The following NOL10 variants were observed in gnomAD, a reference collection of about 807,000 sequenced individuals.
The protein encoded by NOL10 is H_NH0074G24.1.
In NOL10, 58 loss-of-function variants were observed where a neutral mutation model predicts 103.5. That is an observed-to-expected ratio of 0.56 (90% CI 0.45 to 0.70). The LOEUF (loss-of-function observed/expected upper bound fraction) is 0.70, where lower values mean the gene tolerates loss of function less well. Ranked by LOEUF, NOL10 falls within the 30% of genes least tolerant of loss-of-function variation. NOL10 has a pLI of 0.00. For synonymous variants in NOL10, 287 were observed against 282.5 expected (o/e 1.02, Z -0.16); for missense variants, 763 against 807.3 (o/e 0.95, Z 0.67).
chr2:10,614,750 T>G (rs953847622), intron 13 of NOL10, among the ~76,000 whole-genome samples: 1 of 152,222 alleles, frequency 6.6e-6, no homozygotes, highest in African/African-American at 2.4e-5. Flanking sequence ...CTATAATGTA[T>G]ATACACACTA....
At chr2:10,594,255 A>C (rs1368716938) in intron 17 of NOL10, among the ~76,000 whole-genome samples, 3 of 152,178 alleles carry the variant, frequency 2.0e-5, no homozygotes, top group Admixed American at 6.5e-5. Flanking sequence ...GAAAAGCAGC[A>C]TTTAAGGGGA....
At position 10,669,466 on chromosome 2, in the gene NOL10, T is replaced by G. The variant is rs116796114; in HGVS notation, c.465-743A>C. Among the ~76,000 whole-genome samples, 7 of 142,720 alleles carry G rather than the reference T, an allele frequency of 4.9e-5. No individual in the cohort carries two copies. In the East Asian group the frequency reaches 1.4e-3, roughly 29 times the overall value. 93.6% of individuals were successfully genotyped at this position (142,720 alleles called of 152,430 possible). ...GTATATATATATATATTTTTATTTT[T>G]TATATATATATATATACACACACAC... On this transcript the variant is annotated intron_variant, in intron 6 of 20. Transcript: ENST00000381685.
chr2:10,606,237 T>A (rs1676249994), intron 14 of NOL10, among the ~76,000 whole-genome samples: 1 of 135,652 alleles, frequency 7.4e-6, no homozygotes, highest in Admixed American at 7.4e-5. Flanking sequence ...TTTTTTTTTT[T>A]TTTGCCTCAG....
chr2:10,632,959 G>A lies in NOL10; in HGVS notation c.1026+11361C>T, dbSNP rs149857342. On this transcript the variant is annotated intron_variant, in intron 13 of 20. Transcript: ENST00000381685. ...GCTGGGATTACAGGTGTGAGCCACC[G>A]CACTAGGCCTAAATTAAAATTTTAA... Among the ~76,000 whole-genome samples, 31 of 152,120 alleles carry A rather than the reference G, an allele frequency of 2.0e-4. No homozygotes were observed. In the East Asian group the frequency reaches 5.8e-3, roughly 28 times the overall value.
intron 7 of NOL10, 89 bp downstream of exon 7, chr2:10,668,569 C>A: frequency 3.6e-6 from 2 of 551,150 alleles, no homozygotes; most frequent in Non-Finnish European, 6.3e-6. Context: ...TGCTTAATTG[C>A]AATAGTTTAT....
At chr2:10,574,662 A>G (rs1000933286) in intron 20 of NOL10, among the ~76,000 whole-genome samples, 1 of 150,978 alleles carries the variant, frequency 6.6e-6, no homozygotes, top group Non-Finnish European at 1.5e-5. Flanking sequence ...AAAAAAAAAA[A>G]GGGTTTCTTC....
At chr2:10,689,148 C>T (rs1032201086) in intron 1 of NOL10, among the ~76,000 whole-genome samples, 1 of 152,184 alleles carries the variant, frequency 6.6e-6, no homozygotes, top group African/African-American at 2.4e-5. Flanking sequence ...GTGTGTCATG[C>T]TGGACAAGTC....
chr2:10,589,662 C>G lies in NOL10; in HGVS notation c.1512G>C (p.Arg504Ser). ...TTTTTGAAACAAGTGGATTCAGAAG[C>G]CTAAATTCTTCACTCTCTTCATCTA... ...FQVDEESEEF[R>S]LLNPLVSKIS... Residue 504 changes from arginine to serine, a missense_variant, in exon 18 of 21, where the codon AGG (arginine) becomes AGC (serine). By Grantham distance (110) the Arg-to-Ser change is moderately radical (BLOSUM62 -1). Coordinates refer to ENST00000381685, the MANE Select transcript of NOL10 (RefSeq NM_024894.4). The G allele has an allele frequency of 2.5e-6, 4 of 1,591,486 alleles. No homozygotes were observed. The highest frequency in any genetic ancestry group is 3.4e-6 in the Non-Finnish European group (4 of 1,169,842).
rs541162461 is a variant in NOL10 at position 10,606,221 on chromosome 2, T to C, written c.1153+964A>G. Among the ~76,000 whole-genome samples the C allele has an allele frequency of 1.8e-4, 11 of 61,554 alleles. No homozygotes were observed. In the East Asian group the frequency reaches 4.8e-3, roughly 27 times the overall value. 40.4% of individuals were successfully genotyped at this position (61,554 alleles called of 152,430 possible). On this transcript the variant is annotated intron_variant, in intron 14 of 20. Transcript: ENST00000381685. ...CCACTGAAACTTCTGGCAATGTACA[T>C]TTATCTTTTTTTTTTTTTTGCCTCA...
At chr2:10,644,458 G>A in intron 12 of NOL10, 86 bp from the exon 13 acceptor site, 2 of 933,680 alleles carry the variant, frequency 2.1e-6, no homozygotes, top group Non-Finnish European at 3.2e-6. Context: ...AAATGCCTGA[G>A]GAACTTCTGT....
intron 19 of NOL10, among the ~76,000 whole-genome samples, chr2:10,587,519 C>T (rs186137919): frequency 4.0e-5 from 6 of 151,344 alleles, no homozygotes; most frequent in South Asian, 4.2e-4. Flanking sequence ...TCTGCCCCCC[C>T]CTTGGCCTCC....
chr2:10,598,302 G>A (rs7608498), intron 17 of NOL10, among the ~76,000 whole-genome samples: 90,039 of 152,136 alleles, frequency 0.59, 27,659 homozygotes, highest in African/African-American at 0.74. Flanking sequence ...GGACGCGTGT[G>A]TAACTGTTGC....
At chr2:10,593,129 G>GTTTTTT (rs113342576) in intron 17 of NOL10, among the ~76,000 whole-genome samples, 7 of 148,766 alleles carry the variant, frequency 4.7e-5, no homozygotes, top group Non-Finnish European at 3.0e-5. Flanking sequence ...AAACAAATTA[G>GTTTTTT]TTTTTTTTTT....
chr2:10,626,629 C>A (rs917578524), intron 13 of NOL10, among the ~76,000 whole-genome samples: 3 of 151,932 alleles, frequency 2.0e-5, no homozygotes, highest in Admixed American at 6.6e-5. Context: ...AGGTTTAAGT[C>A]CGACTATATC....
chr2:10,570,888 C>T lies in NOL10; in HGVS notation c.*1183G>A, dbSNP rs1674145359. The T allele has an allele frequency of 6.6e-6, 1 of 151,138 alleles. No homozygotes were observed. The highest frequency in any genetic ancestry group is 2.1e-4 in the South Asian group (1 of 4,786). 9.4% of individuals were successfully genotyped at this position (151,138 alleles called of 1,614,324 possible). A position where few individuals can be genotyped will look rare whatever the true frequency, so the allele number is the denominator to read the frequency against. The stretch of plus-strand genomic sequence containing the variant: ...AACTTGTGCCAAGATTAACCAACAG[C>T]CTCTACTGCTTGTTTCCCATTATTA... On this transcript the variant is annotated 3_prime_UTR_variant, in exon 21 of 21. Transcript: ENST00000381685.
chr2:10,669,960 C>T (rs569388787), intron 6 of NOL10, among the ~76,000 whole-genome samples: 12 of 151,872 alleles, frequency 7.9e-5, no homozygotes, highest in Admixed American at 5.9e-4. Flanking sequence ...CACCTGTAAT[C>T]CCAACATTTT....
chr2:10,633,981 C>T (rs1678018547), intron 13 of NOL10, among the ~76,000 whole-genome samples: 1 of 152,022 alleles, frequency 6.6e-6, no homozygotes, highest in South Asian at 2.1e-4. Context: ...CACATGTCAC[C>T]ACACCTGGTT....
chr2:10,618,649 G>T (rs1044842605), intron 13 of NOL10, among the ~76,000 whole-genome samples: 4 of 152,148 alleles, frequency 2.6e-5, no homozygotes, highest in African/African-American at 9.7e-5. Context: ...GTTAAGGTTT[G>T]TCTGGGGACT....
intron 17 of NOL10, among the ~76,000 whole-genome samples, chr2:10,596,816 C>A (rs1404845039): frequency 1.3e-5 from 2 of 152,138 alleles, no homozygotes; most frequent in Non-Finnish European, 2.9e-5. Context: ...ACAAAAAAGA[C>A]TAACATACAA....
Sources: gnomAD v4.1 joint callset for allele counts (sites outside exome capture counted in the v4.1 genomes callset) on GRCh38, gnomAD v4.1.1 for gene constraint, MANE v1.5 for transcripts, NCBI Gene and HGNC (gene_info 2026-07-23, HGNC 2026-07-21) for gene names.